Variants in MAP7D3 observed in about 807,000 individuals in gnomAD.
MAP7D3 encodes MAP7 domain containing 3, also known as MAP7 domain-containing protein 3.
Under a neutral mutation model 62.2 loss-of-function variants are expected in MAP7D3, and 45 were observed. The observed-to-expected ratio is 0.72, with a 90% CI of 0.57 to 0.93. MAP7D3 has a LOEUF of 0.93. MAP7D3 is among the 40% of genes least tolerant of loss of function. The probability of loss-of-function intolerance (pLI) is 0.00; values close to 1 mark genes in which losing one functional copy is unlikely to be tolerated. For missense variants in MAP7D3, 711 were observed against 683.1 expected (o/e 1.04, Z -0.45); for synonymous variants, 288 against 248.8 (o/e 1.16, Z -1.48).
rs2074072708 is a variant in MAP7D3, at chrX:136,217,286, GT to G, written c.*1239del. ...AGAGAAAGGCAAGCAAATTTTGGTT[GT>G]ATCTCAAGCCTGAGTGTATACTCAA... On this transcript the variant is annotated 3_prime_UTR_variant, in exon 19 of 19. Coordinates refer to ENST00000316077, the MANE Select transcript of MAP7D3 (RefSeq NM_024597.4). 1 of 112,485 alleles carries G rather than the reference GT, an allele frequency of 8.9e-6. No individual in the cohort carries two copies. 9.3% of individuals were successfully genotyped at this position (112,485 alleles called of 1,213,427 possible). A position where few individuals can be genotyped will look rare whatever the true frequency, so the allele number is the denominator to read the frequency against.
chrX:136,236,482 T>A, intron 6 of MAP7D3, 143 bp from the exon 7 acceptor site: 1 of 312,981 alleles, frequency 3.2e-6, no homozygotes, highest in Non-Finnish European at 5.5e-6. Context: ...AGATTCTATA[T>A]CCCCAAGCTT....
intron 8 of MAP7D3, 199 bp from the exon 9 acceptor site, chrX:136,231,165 A>C (rs1458878921): frequency 2.9e-6 from 1 of 342,661 alleles, no homozygotes; most frequent in African/African-American, 2.7e-5. Flanking sequence ...ACACAATTCC[A>C]GGAGATCACA....
rs1300835184 is a variant in MAP7D3 at position 136,220,799 on chromosome X, T to C, written c.2452A>G (p.Met818Val). Residue 818 changes from methionine (M) to valine (V), a missense_variant, in exon 16 of 19, where the codon ATG becomes GTG. Transcript: ENST00000316077. ...ACTTCCTGTATTGAAGTGTCTTTCATGCTTTTTTGTCTGAAGTTTTTCAAA... is the reference window on the plus strand; with the variant it reads ...ACTTCCTGTATTGAAGTGTCTTTCACGCTTTTTTGTCTGAAGTTTTTCAAA... ...GDLKNFRQKSMKDTSIQEVVS... is the reference protein window; with the variant it reads ...GDLKNFRQKSVKDTSIQEVVS... 6.6e-6 allele frequency: 8 copies of C among 1,209,982 alleles called. No homozygotes were observed. Among genetic ancestry groups the C allele is most frequent in the Admixed American group, 4.4e-5 (2 of 45,814 alleles).
chrX:136,219,514 G>A lies in MAP7D3; in HGVS notation c.2566-19C>T. 8.4e-7 allele frequency: 1 copy of A among 1,190,731 alleles called. No individual in the cohort carries two copies. Among genetic ancestry groups the A allele is most frequent in the Non-Finnish European group, 1.1e-6 (1 of 876,641 alleles). On this transcript the variant is annotated intron_variant, in intron 17 of 18. Transcript: ENST00000316077. The stretch of plus-strand genomic sequence containing the variant: ...TTTGTGCCTGTCAGGAGAAAAATGT[G>A]ACAAAGATAGTTCTGTGTGACTTAA...
chrX:136,256,188 T>C, upstream of MAP7D3: 1 of 1,128,874 alleles, frequency 8.9e-7, no homozygotes. Context: ...GTAGCTTGAC[T>C]GTGATGCCCG....
chrX:136,222,118 G>A (rs1417740264), intron 15 of MAP7D3, among the ~76,000 whole-genome samples: 2 of 112,558 alleles, frequency 1.8e-5, no homozygotes, highest in Non-Finnish European at 3.7e-5. Context: ...AAGAGCTGCT[G>A]TCTACAGTCC....
In MAP7D3 at chrX:136,241,208, T is replaced by G. The variant is rs1198825532; in HGVS notation, c.487A>C (p.Arg163=). ...ATTGCAGAGCCTCCCCATGACCATC[T>G]TTTTTGCTGATAATCATCAGCAAGT... The part of the protein sequence containing the change: ...RRLADDYQQK[R]WSWGGSAMAN... The change falls in exon 5 of 19, where the codon AGA becomes CGA. Residue 163 remains arginine (R), a synonymous_variant. Coordinates refer to ENST00000316077, the MANE Select transcript of MAP7D3 (RefSeq NM_024597.4). 1.7e-6 allele frequency: 2 copies of G among 1,190,580 alleles called. No individual in the cohort carries two copies. Among genetic ancestry groups the G allele is most frequent in the Non-Finnish European group, 2.3e-6 (2 of 882,813 alleles).
At chrX:136,218,580 C>A (rs369575323) in intron 18 of MAP7D3, 87 bp from the exon 19 acceptor site, 1 of 111,846 alleles carries the variant, frequency 8.9e-6, no homozygotes, top group Non-Finnish European at 1.9e-5. Context: ...TCAGGGCACA[C>A]GCCCAGGACT....
downstream of MAP7D3, among the ~76,000 whole-genome samples, chrX:136,215,396 G>A (rs1341540190): frequency 9.0e-6 from 1 of 111,664 alleles, no homozygotes; most frequent in Admixed American, 9.5e-5. Flanking sequence ...TGTGAACCAC[G>A]CATGTGAGGG....
chrX:136,247,253 G>T (rs142530777), intron 1 of MAP7D3, among the ~76,000 whole-genome samples: 2,785 of 112,092 alleles, frequency 0.025, 78 homozygotes, highest in African/African-American at 0.084. Context: ...GGGAATCCCT[G>T]AACCCTTTAA....
At position 136,244,743 on chromosome X, in the gene MAP7D3, A is replaced by G; in HGVS notation, c.306T>C (p.Tyr102=). 1 of 1,198,397 alleles carries G rather than the reference A, an allele frequency of 8.3e-7. No individual in the cohort carries two copies. The highest frequency in any genetic ancestry group is 3.0e-5 in the East Asian group (1 of 33,711). The change falls in exon 4 of 19, where the codon TAT becomes TAC. Residue 102 remains tyrosine (Y), a synonymous_variant. Coordinates refer to ENST00000316077, the MANE Select transcript of MAP7D3 (RefSeq NM_024597.4). ...TCTGTCTTTCCTCCATCTGTTTTTC[A>G]TATTGGAGCTTGGTCTTTCTTTCTT... is the stretch of plus-strand genomic sequence containing the variant. ...LEKERKTKLQ[Y]EKQMEERQRK...
chrX:136,226,854 C>T (rs1030930757), intron 12 of MAP7D3, among the ~76,000 whole-genome samples: 20 of 111,823 alleles, frequency 1.8e-4, no homozygotes, highest in Non-Finnish European at 2.4e-4. Context: ...AGAGGTTGGG[C>T]GCAGTGGCTT....
At chrX:136,233,029 T>C (rs1474688001) in intron 7 of MAP7D3, among the ~76,000 whole-genome samples, 2 of 111,807 alleles carry the variant, frequency 1.8e-5, no homozygotes, top group Admixed American at 1.9e-4. Flanking sequence ...ATTACTGCAC[T>C]GTTTATAATA....
chrX:136,244,941 T>G (rs2074430977), intron 3 of MAP7D3, 146 bp from the exon 4 acceptor site: 1 of 448,553 alleles, frequency 2.2e-6, no homozygotes, highest in Non-Finnish European at 3.7e-6. Flanking sequence ...AAAGATTTAT[T>G]ATAAAAGTGA....
rs1033020570 is a variant in MAP7D3, at chrX:136,224,686, T to C, written c.2193+141A>G. 36 of 405,386 alleles carry C rather than the reference T, an allele frequency of 8.9e-5. No individual in the cohort carries two copies. The Admixed American group carries it at 1.5e-3, about 17-fold the overall frequency. The allele number at this position is 405,386 out of a possible 1,213,427, so 33.4% of individuals were successfully genotyped here. A position where few individuals can be genotyped will look rare whatever the true frequency, so the allele number is the denominator to read the frequency against. ...AGAGCTAACTAAAGATATGAAAACA[T>C]GGTCAACCTTGTTGATAATCAGGGA... On this transcript the variant is annotated intron_variant, in intron 14 of 18. Coordinates refer to ENST00000316077, the MANE Select transcript of MAP7D3 (RefSeq NM_024597.4).
At chrX:136,236,548 TAA>T (rs1351064541) in intron 6 of MAP7D3, among the ~76,000 whole-genome samples, 2 of 111,557 alleles carry the variant, frequency 1.8e-5, no homozygotes, top group African/African-American at 6.5e-5. Flanking sequence ...TGGTAAAAAT[TAA>T]GAGGTAAAAT....
At chrX:136,230,712 T>C in intron 9 of MAP7D3, 119 bp from the exon 10 acceptor site, 1 of 911,868 alleles carries the variant, frequency 1.1e-6, no homozygotes, top group East Asian at 3.1e-5. Flanking sequence ...TAAATCCCTT[T>C]TTACAGGCTT....
intron 6 of MAP7D3, among the ~76,000 whole-genome samples, chrX:136,237,321 C>A (rs2074340864): frequency 1.8e-5 from 2 of 111,768 alleles, no homozygotes; most frequent in Non-Finnish European, 3.8e-5. Context: ...CAAAAAATGA[C>A]AAAATGGTGT....
Position 136,218,937 on chromosome X carries a change from G to A in MAP7D3, c.*33-444C>T, listed in dbSNP as rs182434538. On this transcript the variant is annotated intron_variant, in intron 18 of 18. Coordinates refer to ENST00000316077, the MANE Select transcript of MAP7D3 (RefSeq NM_024597.4). ...AGGATCTCGGCTCACTGCAACCTCCGCCTCCTGGGTTCAAGTGATTCTCCT... is the reference window on the plus strand; with the variant it reads ...AGGATCTCGGCTCACTGCAACCTCCACCTCCTGGGTTCAAGTGATTCTCCT... Among the ~76,000 whole-genome samples, 578 of 110,432 alleles carry A rather than the reference G, an allele frequency of 5.2e-3. 2 individuals are homozygous for A. Among genetic ancestry groups the A allele is most frequent in the African/African-American group, 0.018 (534 of 30,384 alleles).
Sources: gnomAD v4.1 joint callset for allele counts (sites outside exome capture counted in the v4.1 genomes callset) on GRCh38, gnomAD v4.1.1 for gene constraint, MANE v1.5 for transcripts, NCBI Gene and HGNC (gene_info 2026-07-23, HGNC 2026-07-21) for gene names.